The following CSPP1 variants were observed in gnomAD, a reference collection of about 807,000 sequenced individuals.
CSPP1 encodes the protein centrosome and spindle pole-associated protein 1.
A neutral mutation model predicts 164.4 loss-of-function variants in CSPP1; 126 were observed. The ratio of observed to expected loss-of-function variants is 0.77; its 90% confidence interval spans 0.66 to 0.89. The LOEUF (loss-of-function observed/expected upper bound fraction) is 0.89. CSPP1 is among the 40% of genes least tolerant of loss of function. CSPP1 has a pLI of 0.00. For missense variants in CSPP1, 1,395 were observed against 1,449.8 expected, an observed-to-expected ratio of 0.96 and a Z score of 0.61; for synonymous variants, 472 against 476.7, an observed-to-expected ratio of 0.99 and a Z score of 0.13.
At chr8:67,144,173 T>C (rs1824035555) in intron 17 of CSPP1, among the ~76,000 whole-genome samples, 1 of 152,320 alleles carries the variant, frequency 6.6e-6, no homozygotes, top group Non-Finnish European at 1.5e-5. Context: ...TCTGCATCTA[T>C]TGAGATGATA....
chr8:67,144,348 C>T (rs1036737809), intron 17 of CSPP1, among the ~76,000 whole-genome samples: 2 of 152,136 alleles, frequency 1.3e-5, no homozygotes, highest in Non-Finnish European at 2.9e-5. Context: ...TGCATCTAGG[C>T]TCATAAGATA....
intron 15 of CSPP1, among the ~76,000 whole-genome samples, chr8:67,121,210 A>G (rs199960823): frequency 1.3e-5 from 2 of 152,116 alleles, no homozygotes; most frequent in East Asian, 1.9e-4. Context: ...TTCCAGTACT[A>G]TGTTTAATAG....
In CSPP1 at chr8:67,103,040, G is replaced by A. The variant is rs1264364769; in HGVS notation, c.927G>A (p.Met309Ile). Residue 309 changes from methionine to isoleucine, a missense_variant, in exon 8 of 31, where the codon ATG becomes ATA. Transcript: ENST00000678616. ...RLSRVYTNDRMHRNKRGNMPP... is the reference protein window; with the variant it reads ...RLSRVYTNDRIHRNKRGNMPP... ...TATAAGCTAATGTGTTTTTAAGGAT[G>A]CACAGGAACAAACGAGGGAATATGC... The A allele has an allele frequency of 5.0e-6, 8 of 1,594,224 alleles. No homozygotes were observed. The highest frequency in any genetic ancestry group is 6.9e-6 in the Non-Finnish European group (8 of 1,162,200).
At chr8:67,193,697 GAAT>G in intron 30 of CSPP1, 95 bp downstream of exon 30, 1 of 1,111,652 alleles carries the variant, frequency 9.0e-7, no homozygotes, top group South Asian at 1.5e-5. Flanking sequence ...GGGATAGATG[GAAT>G]GAGTTTGAAG....
At chr8:67,135,474 T>C (rs1304675291) in intron 16 of CSPP1, 1 of 152,234 alleles carries the variant, frequency 6.6e-6, no homozygotes, top group African/African-American at 2.4e-5. Flanking sequence ...TTTTATGTTA[T>C]AGAGATGGCA....
At chr8:67,075,352 AC>A (rs751581008) in intron 2 of CSPP1, among the ~76,000 whole-genome samples, 4 of 152,128 alleles carry the variant, frequency 2.6e-5, no homozygotes, top group Non-Finnish European at 4.4e-5. Context: ...ATCCTGGTTT[AC>A]CTGTTGTCCA....
At position 67,102,387 on chromosome 8, in the gene CSPP1, C is replaced by A. The variant is rs531607196; in HGVS notation, c.924-650C>A. Among the ~76,000 whole-genome samples the A allele has an allele frequency of 1.4e-3, 211 of 152,164 alleles. 1 individual carries two copies. The highest frequency in any genetic ancestry group is 4.6e-3 in the African/African-American group (191 of 41,514). ...GCGGGAGATCACAAGGTTAGGAGAT[C>A]GAGACTATCCTGGCCAACATGGTGA... On this transcript the variant is annotated intron_variant, in intron 7 of 30. Coordinates refer to ENST00000678616, the MANE Select transcript of CSPP1 (RefSeq NM_001382391.1).
chr8:67,112,357 GAT>G (rs1459907430), intron 10 of CSPP1, among the ~76,000 whole-genome samples: 9 of 150,042 alleles, frequency 6.0e-5, no homozygotes, highest in Admixed American at 2.7e-4. Context: ...TAATGTTATA[GAT>G]ATGCCCATTG....
intron 16 of CSPP1, among the ~76,000 whole-genome samples, chr8:67,133,062 T>C (rs1200139347): frequency 6.6e-6 from 1 of 152,218 alleles, no homozygotes; most frequent in Non-Finnish European, 1.5e-5. Context: ...AGACTGAATT[T>C]TAAATTCAGA....
chr8:67,072,098 C>A (rs1806915474), intron 1 of CSPP1, among the ~76,000 whole-genome samples: 4 of 151,850 alleles, frequency 2.6e-5, no homozygotes, highest in African/African-American at 9.7e-5. Context: ...TTGAGACCAT[C>A]CTGGCTAACA....
chr8:67,159,963 T>G (rs1472428760), intron 21 of CSPP1, among the ~76,000 whole-genome samples: 1 of 40,530 alleles, frequency 2.5e-5, no homozygotes. Context: ...CCTTCTTTCT[T>G]TTCTTTTCTT....
intron 16 of CSPP1, chr8:67,134,999 C>T (rs1821963358): frequency 6.6e-6 from 1 of 152,150 alleles, no homozygotes; most frequent in African/African-American, 2.4e-5. Context: ...CAGACATTGA[C>T]TTCTCTTTAC....
chr8:67,136,802 C>T (rs1822395067), intron 16 of CSPP1, among the ~76,000 whole-genome samples: 1 of 151,304 alleles, frequency 6.6e-6, no homozygotes, highest in Non-Finnish European at 1.5e-5. Flanking sequence ...GAAAAAGGAA[C>T]GTAGGGAGAT....
intron 8 of CSPP1, among the ~76,000 whole-genome samples, chr8:67,103,544 C>T (rs535342854): frequency 1.3e-5 from 2 of 151,668 alleles, no homozygotes; most frequent in Non-Finnish European, 2.9e-5. Flanking sequence ...CCTGTAATCC[C>T]AGCATTTTGG....
intron 9 of CSPP1, among the ~76,000 whole-genome samples, chr8:67,111,699 TG>T (rs1302070018): frequency 1.3e-5 from 2 of 152,118 alleles, no homozygotes; most frequent in Non-Finnish European, 1.5e-5. Flanking sequence ...AAAATGGGGT[TG>T]GGATAAGAAC....
At chr8:67,159,946 C>T (rs1388401163) in intron 21 of CSPP1, among the ~76,000 whole-genome samples, 1,010 of 57,364 alleles carry the variant, frequency 0.018, 18 homozygotes, top group Middle Eastern at 0.033. Flanking sequence ...TCCTTCCTTC[C>T]TTCCTTCCTT....
intron 1 of CSPP1, among the ~76,000 whole-genome samples, chr8:67,067,225 T>C (rs1177083591): frequency 2.0e-5 from 3 of 152,176 alleles, no homozygotes; most frequent in Non-Finnish European, 4.4e-5. Context: ...CTGATGGATT[T>C]GGGAGAAGGA....
At chr8:67,093,763 C>T (rs1812110684) in intron 6 of CSPP1, 122 bp downstream of exon 6, 2 of 510,806 alleles carry the variant, frequency 3.9e-6, no homozygotes, top group Non-Finnish European at 6.9e-6. Flanking sequence ...CAAAATTAAG[C>T]CAAATTAAAC....
At chr8:67,074,494 C>A in intron 2 of CSPP1, 143 bp downstream of exon 2, 1 of 521,000 alleles carries the variant, frequency 1.9e-6, no homozygotes, top group Non-Finnish European at 3.4e-6. Context: ...TGACTCCAGA[C>A]AAGATTGCAG....
Sources: allele counts gnomAD v4.1 joint callset (sites outside exome capture counted in the v4.1 genomes callset), GRCh38; gene constraint gnomAD v4.1.1; transcripts MANE v1.5; gene names NCBI Gene and HGNC (gene_info 2026-07-23, HGNC 2026-07-21).